The following LARP1B variants were observed in gnomAD, a reference collection of about 807,000 sequenced individuals.
LARP1B encodes la-related protein 1B.
In LARP1B, 76 loss-of-function variants were observed where a neutral mutation model predicts 114.2. The ratio of observed to expected loss-of-function variants is 0.67; its 90% CI spans 0.55 to 0.81. LARP1B has a LOEUF of 0.81. LARP1B is among the 30% of genes least tolerant of loss of function. LARP1B has a pLI of 0.00. For missense variants in LARP1B, 1,014 were observed against 1,075.8 expected (o/e 0.94, Z 0.80); for synonymous variants, 345 against 348.0 (o/e 0.99, Z 0.10).
At chr4:128,220,281 G>T in intron 6 of LARP1B, 1 of 463,166 alleles carries the variant, frequency 2.2e-6, no homozygotes, top group Non-Finnish European at 2.8e-6. Flanking sequence ...ACTTTCCTTT[G>T]TGTGTTTAAT....
intron 11 of LARP1B, among the ~76,000 whole-genome samples, chr4:128,156,945 T>A (rs930726527): frequency 3.4e-5 from 5 of 146,242 alleles, no homozygotes; most frequent in Non-Finnish European, 3.0e-5. Flanking sequence ...TTCATTTCCC[T>A]CAGACTCATC....
chr4:128,084,323 G>T (rs1772349581), intron 5 of LARP1B, among the ~76,000 whole-genome samples: 1 of 152,246 alleles, frequency 6.6e-6, no homozygotes, highest in South Asian at 2.1e-4. Flanking sequence ...CTGCACTCCA[G>T]CCTGGGCACC....
intron 5 of LARP1B, among the ~76,000 whole-genome samples, chr4:128,088,118 C>T (rs774980885): frequency 6.6e-6 from 1 of 151,786 alleles, no homozygotes; most frequent in Non-Finnish European, 1.5e-5. Context: ...GCTTGAGAGC[C>T]CAAGAGTTCC....
At chr4:128,063,427 CAAAAA>C (rs763868048) in intron 1 of LARP1B, among the ~76,000 whole-genome samples, 5 of 13,216 alleles carry the variant, frequency 3.8e-4, no homozygotes, top group Non-Finnish European at 6.6e-4. Flanking sequence ...GACCCACTCT[CAAAAA>C]AAAAAAAAAA....
intron 8 of LARP1B, among the ~76,000 whole-genome samples, chr4:128,106,492 G>A (rs553828945): frequency 6.6e-6 from 1 of 152,044 alleles, no homozygotes; most frequent in South Asian, 2.1e-4. Flanking sequence ...AAACCAATAA[G>A]GATTTAGTTT....
intron 11 of LARP1B, among the ~76,000 whole-genome samples, chr4:128,134,843 G>A (rs941056200): frequency 1.5e-4 from 23 of 152,186 alleles, no homozygotes; most frequent in African/African-American, 5.1e-4. Context: ...AATGGCTCAT[G>A]CCTGTAATCC....
chr4:128,174,421 ATAT>A (rs1745059185), intron 12 of LARP1B, among the ~76,000 whole-genome samples: 1 of 152,050 alleles, frequency 6.6e-6, no homozygotes, highest in African/African-American at 2.4e-5. Flanking sequence ...TTATGTCAAA[ATAT>A]TATAAATTGG....
intron 15 of LARP1B, among the ~76,000 whole-genome samples, chr4:128,195,313 T>C (rs1753722017): frequency 6.6e-6 from 1 of 152,242 alleles, no homozygotes; most frequent in Non-Finnish European, 1.5e-5. Flanking sequence ...ATCTTCGTTC[T>C]TTCCTTTTGA....
intron 8 of LARP1B, among the ~76,000 whole-genome samples, chr4:128,098,767 A>ATATATATTTT (rs1328165907): frequency 2.3e-4 from 8 of 35,022 alleles, no homozygotes; most frequent in African/African-American, 1.0e-3. Flanking sequence ...ATATATATAT[A>ATATATATTTT]TTTTTTTTTT....
intron 12 of LARP1B, among the ~76,000 whole-genome samples, chr4:128,164,191 A>G (rs893061858): frequency 6.6e-6 from 1 of 152,048 alleles, no homozygotes; most frequent in African/African-American, 2.4e-5. Flanking sequence ...CAGAATAACA[A>G]TAACATTAAA....
At chr4:128,092,302 TTG>T (rs1473230180) in intron 7 of LARP1B, among the ~76,000 whole-genome samples, 1 of 152,186 alleles carries the variant, frequency 6.6e-6, no homozygotes, top group Non-Finnish European at 1.5e-5. Flanking sequence ...AAGTTTTTCT[TTG>T]TGACACAATT....
At chr4:128,109,653 T>G (rs938581441) in intron 9 of LARP1B, among the ~76,000 whole-genome samples, 1 of 152,090 alleles carries the variant, frequency 6.6e-6, no homozygotes, top group Non-Finnish European at 1.5e-5. Context: ...GTTTTTTTCT[T>G]TTTTTAAATT....
intron 11 of LARP1B, among the ~76,000 whole-genome samples, chr4:128,128,957 G>A (rs926035130): frequency 5.9e-5 from 9 of 151,996 alleles, no homozygotes; most frequent in African/African-American, 1.4e-4. Context: ...GAGGTCAGGA[G>A]ATCGAGACCA....
At chr4:128,066,774 G>A (rs904230677) in intron 1 of LARP1B, among the ~76,000 whole-genome samples, 4 of 149,362 alleles carry the variant, frequency 2.7e-5, no homozygotes, top group East Asian at 3.9e-4. Flanking sequence ...ACCGTGCCTG[G>A]CCGGGCTTTC....
chr4:128,155,638 C>G, intron 11 of LARP1B: 2 of 1,441,370 alleles, frequency 1.4e-6, no homozygotes, highest in Non-Finnish European at 1.9e-6. Flanking sequence ...AGGAGCCATC[C>G]GGGCCCTGGG....
intron 17 of LARP1B, among the ~76,000 whole-genome samples, chr4:128,202,418 A>G (rs958349669): frequency 6.6e-6 from 1 of 152,238 alleles, no homozygotes; most frequent in Non-Finnish European, 1.5e-5. Context: ...TCATACCCAT[A>G]TACATACAAA....
At chr4:128,213,206 G>A (rs940339884), downstream of LARP1B, among the ~76,000 whole-genome samples, 5 of 151,928 alleles carry the variant, frequency 3.3e-5, no homozygotes, top group Admixed American at 6.6e-5. Flanking sequence ...GAGCCACTGC[G>A]CCTGGCCACT....
chr4:128,099,863 A>G (rs1481510426), intron 8 of LARP1B, among the ~76,000 whole-genome samples: 1 of 152,144 alleles, frequency 6.6e-6, no homozygotes, highest in East Asian at 1.9e-4. Context: ...CATTCCCACG[A>G]TTATCTATAG....
At chr4:128,081,714 G>A (rs1255475746) in intron 4 of LARP1B, among the ~76,000 whole-genome samples, 3 of 152,186 alleles carry the variant, frequency 2.0e-5, no homozygotes, top group African/African-American at 7.2e-5. Context: ...CAAGGGGATT[G>A]GGGGTTCTGT....
Sources: gnomAD v4.1 joint callset for allele counts (sites outside exome capture counted in the v4.1 genomes callset) on GRCh38, gnomAD v4.1.1 for gene constraint, MANE v1.5 for transcripts, NCBI Gene and HGNC (gene_info 2026-07-23, HGNC 2026-07-21) for gene names.